FCHSD2: variants seen among roughly 807,000 people sequenced by gnomAD.
The protein encoded by FCHSD2 is F-BAR and double SH3 domains protein 2.
FCHSD2 carries 38 observed loss-of-function variants against 108.1 expected under a neutral mutation model. The observed-to-expected ratio is 0.35, with a 90% confidence interval of 0.27 to 0.46. FCHSD2 has a LOEUF of 0.46. Among genes scored for constraint, FCHSD2 ranks in the 20% least tolerant of loss-of-function variants. The pLI is 1.00. For synonymous variants in FCHSD2, 279 were observed against 314.7 expected (o/e 0.89, Z 1.20); for missense variants, 751 against 897.8 (o/e 0.84, Z 2.09).
chr11:72,853,028 T>C (rs1861331715), intron 13 of FCHSD2, among the ~76,000 whole-genome samples: 1 of 151,948 alleles, frequency 6.6e-6, no homozygotes, highest in Non-Finnish European at 1.5e-5. Flanking sequence ...TTAGAAAAAA[T>C]AACTATTGGG....
At chr11:72,890,132 A>C (rs561251597) in intron 10 of FCHSD2, among the ~76,000 whole-genome samples, 187 bp from the exon 11 acceptor site, 1 of 152,360 alleles carries the variant, frequency 6.6e-6, no homozygotes, top group Non-Finnish European at 1.5e-5. Context: ...GCATAAAACC[A>C]TTAAAGACCA....
At chr11:73,035,308 G>T (rs551853463) in intron 3 of FCHSD2, among the ~76,000 whole-genome samples, 8 of 152,088 alleles carry the variant, frequency 5.3e-5, no homozygotes, top group African/African-American at 1.9e-4. Context: ...AGAGTAGCTG[G>T]CACTACAGGC....
intron 4 of FCHSD2, among the ~76,000 whole-genome samples, chr11:73,014,662 G>A (rs1362012569): frequency 6.6e-6 from 1 of 151,940 alleles, no homozygotes; most frequent in Non-Finnish European, 1.5e-5. Flanking sequence ...TCTAAACCAT[G>A]CGCTTCAATA....
intron 17 of FCHSD2, 102 bp downstream of exon 17, chr11:72,842,519 G>A (rs1591330765): frequency 2.8e-6 from 4 of 1,417,374 alleles, no homozygotes; most frequent in Middle Eastern, 2.0e-4. Flanking sequence ...ACCGGTGAGG[G>A]TAAGGCAGAG....
intron 8 of FCHSD2, among the ~76,000 whole-genome samples, chr11:72,964,289 C>T (rs901159621): frequency 3.9e-5 from 6 of 152,188 alleles, no homozygotes; most frequent in Admixed American, 6.5e-5. Context: ...CTCATCACAT[C>T]GAATCATGTA....
chr11:73,029,817 A>T (rs369015175), intron 3 of FCHSD2, among the ~76,000 whole-genome samples: 20 of 152,348 alleles, frequency 1.3e-4, no homozygotes, highest in African/African-American at 4.3e-4. Flanking sequence ...AAGTCACCAC[A>T]ATATACAGAG....
At chr11:72,941,052 T>C (rs1194194161) in intron 8 of FCHSD2, 1 of 678,628 alleles carries the variant, frequency 1.5e-6, no homozygotes, top group Non-Finnish European at 2.7e-6. Flanking sequence ...ATGCTATTGG[T>C]GGTTCTTGCC....
chr11:72,908,389 T>C (rs1056829994), intron 9 of FCHSD2, among the ~76,000 whole-genome samples: 5 of 152,236 alleles, frequency 3.3e-5, no homozygotes, highest in African/African-American at 4.8e-5. Flanking sequence ...TTCTTTTGGG[T>C]GTATACCTAG....
intron 9 of FCHSD2, among the ~76,000 whole-genome samples, chr11:72,904,188 A>G (rs1054667253): frequency 1.3e-5 from 2 of 152,212 alleles, no homozygotes; most frequent in Non-Finnish European, 2.9e-5. Flanking sequence ...ACATATTCTC[A>G]AAGAGAAATG....
intron 2 of FCHSD2, among the ~76,000 whole-genome samples, chr11:73,099,638 T>C (rs764263209): frequency 4.6e-5 from 7 of 152,224 alleles, no homozygotes; most frequent in Non-Finnish European, 8.8e-5. Context: ...AAAACACTGA[T>C]ACCGCCCAGG....
chr11:72,841,538 A>ACGGCAGTGGAGGCAGGGAGG lies in FCHSD2; in HGVS notation c.1952_1971dup (p.Leu658ProfsTer119). On this transcript the variant is annotated frameshift_variant, in exon 18 of 20. Transcript: ENST00000409418. LOFTEE classifies it high-confidence loss of function. Reference sequence around the variant, plus strand: ...GGGCTGCTGGGAGGCTGGTCGTACAACGGCAGTGGAGGCAGGGAGGCGTGT... The same window carrying ACGGCAGTGGAGGCAGGGAGG: ...GGGCTGCTGGGAGGCTGGTCGTACAACGGCAGTGGAGGCAGGGAGGCGGCAGTGGAGGCAGGGAGGCGTGT... The ACGGCAGTGGAGGCAGGGAGG allele has an allele frequency of 6.2e-7, 1 of 1,611,494 alleles. No homozygotes were observed. Among genetic ancestry groups the ACGGCAGTGGAGGCAGGGAGG allele is most frequent in the Non-Finnish European group, 8.5e-7 (1 of 1,178,988 alleles).
rs139731860 is a variant in FCHSD2, at chr11:73,115,489, A to G, written c.119+24542T>C. 5.4e-4 allele frequency among the ~76,000 whole-genome samples: 82 copies of G among 152,230 alleles called. 8 individuals carry two copies. The East Asian group carries it at 5.4e-3, about 10-fold the overall frequency. On this transcript the variant is annotated intron_variant, in intron 2 of 19. Coordinates refer to ENST00000409418, the MANE Select transcript of FCHSD2 (RefSeq NM_014824.3). ...TGTTTTTAAATGAAAACAATCTTAT[A>G]TATCTTTTCCAACTCTATACTTTCG...
chr11:72,955,395 G>C (rs1367832666), intron 8 of FCHSD2, among the ~76,000 whole-genome samples: 61 of 152,264 alleles, frequency 4.0e-4, no homozygotes. Flanking sequence ...CCCTCTCTGG[G>C]TGGGCTACCC....
At chr11:73,095,995 C>G (rs888642055) in intron 2 of FCHSD2, among the ~76,000 whole-genome samples, 1 of 151,242 alleles carries the variant, frequency 6.6e-6, no homozygotes, top group African/African-American at 2.4e-5. Flanking sequence ...CTACCAACAT[C>G]TAATATCCTA....
rs530875318 is a variant in FCHSD2 at position 72,996,891 on chromosome 11, A to G, written c.387+4099T>C. 3.3e-5 allele frequency among the ~76,000 whole-genome samples: 5 copies of G among 152,362 alleles called. No homozygotes were observed. The East Asian group carries it at 9.6e-4, about 29-fold the overall frequency. On this transcript the variant is annotated intron_variant, in intron 5 of 19. Coordinates refer to ENST00000409418, the MANE Select transcript of FCHSD2 (RefSeq NM_014824.3). ...TACACCAAGGTAAGTCTTAAATTCA[A>G]CTTAATGTTTTTCCTTAGGGCATTT...
chr11:72,921,854 G>A lies in FCHSD2; in HGVS notation c.802C>T (p.Gln268Ter). ...ETCQAVQNTF[Q>*]FLLENSSKVV... ...TTGCTGGAGTTTTCTAATAAAAACT[G>A]GAATGTGTTCTGCACAGCTTGGCAT... The change falls in exon 9 of 20, where the codon CAG becomes TAG. Residue 268 changes from glutamine (Q) to a stop codon, truncating the protein, a stop_gained. Coordinates refer to ENST00000409418, the MANE Select transcript of FCHSD2 (RefSeq NM_014824.3). LOFTEE classifies it high-confidence loss of function. The A allele has an allele frequency of 6.2e-7, 1 of 1,610,946 alleles. No homozygotes were observed. The highest frequency in any genetic ancestry group is 8.5e-7 in the Non-Finnish European group (1 of 1,178,182).
chr11:73,140,910 T>A (rs1241434221), intron 1 of FCHSD2, among the ~76,000 whole-genome samples: 1 of 152,050 alleles, frequency 6.6e-6, no homozygotes, highest in East Asian at 1.9e-4. Context: ...GGGGTACATG[T>A]TCGAAAGAAA....
At chr11:72,994,141 A>C (rs1211413015) in intron 5 of FCHSD2, among the ~76,000 whole-genome samples, 1 of 152,120 alleles carries the variant, frequency 6.6e-6, no homozygotes, top group Non-Finnish European at 1.5e-5. Context: ...AGCTATGTGG[A>C]CCGAGACATA....
intron 3 of FCHSD2, among the ~76,000 whole-genome samples, chr11:73,083,161 C>CTTTACAAGTATA (rs1859736407): frequency 6.6e-6 from 1 of 152,162 alleles, no homozygotes; most frequent in South Asian, 2.1e-4. Flanking sequence ...CTTGTAAATA[C>CTTTACAAGTATA]TTTACAAATA....
Sources: allele counts gnomAD v4.1 joint callset (sites outside exome capture counted in the v4.1 genomes callset), GRCh38; gene constraint gnomAD v4.1.1; transcripts MANE v1.5; gene names NCBI Gene and HGNC (gene_info 2026-07-23, HGNC 2026-07-21).